Variants in GALNTL6 observed in about 807,000 individuals in gnomAD.
The protein encoded by GALNTL6 is polypeptide N-acetylgalactosaminyltransferase like 6, also known as polypeptide N-acetylgalactosaminyltransferase-like 6.
A neutral mutation model predicts 73.7 loss-of-function variants in GALNTL6; 46 were observed. The observed-to-expected ratio is 0.62, with a 90% CI of 0.49 to 0.80. The LOEUF (loss-of-function observed/expected upper bound fraction) is 0.80. Ranked by LOEUF, GALNTL6 falls within the 30% of genes least tolerant of loss-of-function variation. The pLI is 0.00. For missense variants in GALNTL6, 604 were observed against 755.0 expected, an observed-to-expected ratio of 0.80 and a Z score of 2.34; for synonymous variants, 259 against 263.7, an observed-to-expected ratio of 0.98 and a Z score of 0.17.
rs1366780807 is a variant in GALNTL6 at position 172,179,290 on chromosome 4, T to C, written c.139-50366T>C. Among the ~76,000 whole-genome samples the C allele has an allele frequency of 2.0e-5, 3 of 151,760 alleles. No individual in the cohort carries two copies. In the South Asian group the frequency reaches 6.2e-4, roughly 32 times the overall value. ...CCCACCAACAGTGTAAAAGTATTCC[T>C]ATTTCTCCACATCCTCTCCAGCACC... is the stretch of plus-strand genomic sequence containing the variant. On this transcript the variant is annotated intron_variant, in intron 2 of 12. Transcript: ENST00000506823.
chr4:172,142,669 A>C (rs1263938230), intron 2 of GALNTL6, among the ~76,000 whole-genome samples: 1 of 152,040 alleles, frequency 6.6e-6, no homozygotes, highest in African/African-American at 2.4e-5. Flanking sequence ...TGCATTACTC[A>C]TACCAATGAG....
intron 3 of GALNTL6, among the ~76,000 whole-genome samples, chr4:172,270,825 G>GT: frequency 6.6e-6 from 1 of 152,062 alleles, no homozygotes; most frequent in East Asian, 1.9e-4. Flanking sequence ...TATTTTAAAA[G>GT]TAAAAACTCA....
At chr4:172,284,399 C>A (rs1159362308) in intron 3 of GALNTL6, among the ~76,000 whole-genome samples, 2 of 151,888 alleles carry the variant, frequency 1.3e-5, no homozygotes, top group South Asian at 2.1e-4. Context: ...CATCCACCCC[C>A]CACACACACC....
Position 173,018,659 on chromosome 4 carries a change from C to T in GALNTL6, c.1489-2817C>T, listed in dbSNP as rs373749455. Among the ~76,000 whole-genome samples the T allele has an allele frequency of 3.9e-5, 6 of 152,146 alleles. No individual in the cohort carries two copies. The East Asian group carries it at 9.6e-4, about 24-fold the overall frequency. ...AATCTTACATGACAGATGAGCATTA[C>T]CTAGGTTGGCTAGTGAATGTCTGTT... On this transcript the variant is annotated intron_variant, in intron 11 of 12. Coordinates refer to ENST00000506823, the MANE Select transcript of GALNTL6 (RefSeq NM_001034845.3).
rs918962749 is a variant in GALNTL6, at chr4:172,431,341, C to T, written c.553+82652C>T. On this transcript the variant is annotated intron_variant, in intron 5 of 12. Transcript: ENST00000506823. Reference sequence around the variant, plus strand: ...CTCTGGTATTTGAAGGTACTGACTACTCACATTAATCAAAATAATCGACTT... The same window carrying T: ...CTCTGGTATTTGAAGGTACTGACTATTCACATTAATCAAAATAATCGACTT... Among the ~76,000 whole-genome samples the T allele has an allele frequency of 2.6e-5, 4 of 152,278 alleles. No homozygotes were observed. In the South Asian group the frequency reaches 8.3e-4, roughly 32 times the overall value.
rs1357698759 is a variant in GALNTL6 at position 172,955,360 on chromosome 4, C to T, written c.1371+3102C>T. ...GGGCATGGTGGCATGTGCCTGTAAT[C>T]CCAGCTACTCGGGAGGCTGAGGTAG... On this transcript the variant is annotated intron_variant, in intron 10 of 12. Coordinates refer to ENST00000506823, the MANE Select transcript of GALNTL6 (RefSeq NM_001034845.3). Among the ~76,000 whole-genome samples the T allele has an allele frequency of 2.6e-5, 4 of 152,042 alleles. No individual in the cohort carries two copies. The East Asian group carries it at 7.7e-4, about 29-fold the overall frequency.
intron 10 of GALNTL6, among the ~76,000 whole-genome samples, chr4:172,954,656 C>T (rs1749623618): frequency 6.6e-6 from 1 of 152,076 alleles, no homozygotes; most frequent in Non-Finnish European, 1.5e-5. Context: ...TTTGTAGAGA[C>T]TAGGTCTCAA....
At chr4:172,522,197 A>G (rs1337057978) in intron 5 of GALNTL6, among the ~76,000 whole-genome samples, 1 of 152,192 alleles carries the variant, frequency 6.6e-6, no homozygotes, top group African/African-American at 2.4e-5. Flanking sequence ...GTGTTTTTTT[A>G]AAGAAAACTA....
intron 2 of GALNTL6, among the ~76,000 whole-genome samples, chr4:171,991,683 T>C (rs1009220215): frequency 6.7e-6 from 1 of 149,796 alleles, no homozygotes; most frequent in Non-Finnish European, 1.5e-5. Context: ...TTCTAATCTA[T>C]AAGTAGACCA....
chr4:173,024,985 C>A (rs1405018333), intron 12 of GALNTL6, among the ~76,000 whole-genome samples: 2 of 152,176 alleles, frequency 1.3e-5, no homozygotes, highest in African/African-American at 4.8e-5. Flanking sequence ...ACCAGCCAAC[C>A]CCTCCCTCCC....
At chr4:172,939,615 G>T (rs1240883016) in intron 9 of GALNTL6, among the ~76,000 whole-genome samples, 1 of 152,182 alleles carries the variant, frequency 6.6e-6, no homozygotes, top group African/African-American at 2.4e-5. Context: ...CATATCCTAA[G>T]CAAATAGCAT....
intron 2 of GALNTL6, among the ~76,000 whole-genome samples, chr4:171,829,034 T>A (rs1734897183): frequency 6.6e-6 from 1 of 152,098 alleles, no homozygotes; most frequent in Non-Finnish European, 1.5e-5. Flanking sequence ...TAATTGACAG[T>A]TTATTTTATT....
At chr4:172,805,684 T>A (rs958340511) in intron 5 of GALNTL6, among the ~76,000 whole-genome samples, 2 of 152,160 alleles carry the variant, frequency 1.3e-5, no homozygotes, top group African/African-American at 2.4e-5. Flanking sequence ...AGTTCAAAAG[T>A]GATCTTCAAA....
chr4:172,649,180 C>G (rs977463119), intron 5 of GALNTL6, among the ~76,000 whole-genome samples: 3 of 152,074 alleles, frequency 2.0e-5, no homozygotes, highest in Non-Finnish European at 2.9e-5. Context: ...TATTACGAGT[C>G]ACATTCTCAG....
Position 172,487,362 on chromosome 4 carries a change from C to T in GALNTL6, c.553+138673C>T, listed in dbSNP as rs561009683. ...TCTTTCTTTCTTTCTTTCTTTCCTT[C>T]TTTCCTTCTTTTCTTTTCTTTTCTT... On this transcript the variant is annotated intron_variant, in intron 5 of 12. Transcript: ENST00000506823. Among the ~76,000 whole-genome samples, 7 of 99,970 alleles carry T rather than the reference C, an allele frequency of 7.0e-5. No individual in the cohort carries two copies. In the South Asian group the frequency reaches 1.8e-3, roughly 26 times the overall value. 65.6% of individuals were successfully genotyped at this position (99,970 alleles called of 152,430 possible).
In GALNTL6 at chr4:171,869,101, C is replaced by T. The variant is rs139307670; in HGVS notation, c.138+54383C>T. On this transcript the variant is annotated intron_variant, in intron 2 of 12. Coordinates refer to ENST00000506823, the MANE Select transcript of GALNTL6 (RefSeq NM_001034845.3). ...AAAAATCTCAGGAGAAATCCAATTA[C>T]CTCAGTTGGTATAGCTAAAAGATTT... Among the ~76,000 whole-genome samples the T allele has an allele frequency of 1.9e-3, 286 of 152,262 alleles. 1 individual carries two copies. Among genetic ancestry groups the T allele is most frequent in the African/African-American group, 6.5e-3 (269 of 41,550 alleles).
At chr4:171,858,127 AAT>A (rs1735738566) in intron 2 of GALNTL6, among the ~76,000 whole-genome samples, 2 of 152,198 alleles carry the variant, frequency 1.3e-5, no homozygotes, top group South Asian at 4.1e-4. Flanking sequence ...CATAGAAAGC[AAT>A]ATAGAAATTA....
chr4:172,268,889 T>G (rs1034264688), intron 3 of GALNTL6, among the ~76,000 whole-genome samples: 1 of 152,170 alleles, frequency 6.6e-6, no homozygotes, highest in African/African-American at 2.4e-5. Context: ...ATCTTAATCT[T>G]CACAGTCTTT....
intron 7 of GALNTL6, among the ~76,000 whole-genome samples, chr4:172,834,682 A>G (rs949712176): frequency 6.6e-6 from 1 of 152,082 alleles, no homozygotes; most frequent in South Asian, 2.1e-4. Flanking sequence ...ATATCTGGGC[A>G]CCTGCCATGA....
Sources: allele counts gnomAD v4.1 joint callset (sites outside exome capture counted in the v4.1 genomes callset), GRCh38; gene constraint gnomAD v4.1.1; transcripts MANE v1.5; gene names NCBI Gene and HGNC (gene_info 2026-07-23, HGNC 2026-07-21).